ACER3: variants seen among roughly 807,000 people sequenced by gnomAD.
The protein encoded by ACER3 is alkCDase 3.
Under a neutral mutation model 48.9 loss-of-function variants are expected in ACER3, and 16 were observed. That is an observed-to-expected ratio of 0.33 (90% CI 0.22 to 0.50). The LOEUF (loss-of-function observed/expected upper bound fraction) is 0.50, where lower values mean the gene tolerates loss of function less well. ACER3 is among the 20% of genes least tolerant of loss of function. ACER3 has a pLI of 0.98. For missense variants in ACER3, 227 were observed against 326.0 expected, an observed-to-expected ratio of 0.70 and a Z score of 2.34; for synonymous variants, 109 against 107.8, an observed-to-expected ratio of 1.01 and a Z score of -0.07.
chr11:76,938,005 GTTGT>G (rs958513286), intron 2 of ACER3, among the ~76,000 whole-genome samples: 6 of 152,166 alleles, frequency 3.9e-5, no homozygotes, highest in African/African-American at 1.2e-4. Context: ...GTTTTTTGGG[GTTGT>G]TTGTTTGTCG....
intron 2 of ACER3, among the ~76,000 whole-genome samples, chr11:76,951,057 A>T (rs752041974): frequency 5.9e-5 from 9 of 152,192 alleles, no homozygotes; most frequent in African/African-American, 1.9e-4. Flanking sequence ...CTTACCATGA[A>T]ATGATCCTCT....
At chr11:76,977,496 AC>A (rs1233428635) in intron 4 of ACER3, among the ~76,000 whole-genome samples, 3 of 152,184 alleles carry the variant, frequency 2.0e-5, no homozygotes, top group Non-Finnish European at 2.9e-5. Context: ...AGCCTCCTTC[AC>A]CCATTACCCT....
At chr11:76,952,126 TTATA>T (rs60620382) in intron 2 of ACER3, among the ~76,000 whole-genome samples, 12,533 of 148,232 alleles carry the variant, frequency 0.085, 593 homozygotes, top group Non-Finnish European at 0.11. Context: ...AGAAAAAATA[TTATA>T]TATATATATA....
At chr11:76,948,883 A>G (rs1947556418) in intron 2 of ACER3, among the ~76,000 whole-genome samples, 1 of 152,206 alleles carries the variant, frequency 6.6e-6, no homozygotes, top group Non-Finnish European at 1.5e-5. Flanking sequence ...TGCCAGACAC[A>G]TGGTAGATAA....
At chr11:76,896,951 GTTTT>G (rs1945948268) in intron 1 of ACER3, among the ~76,000 whole-genome samples, 1 of 147,816 alleles carries the variant, frequency 6.8e-6, no homozygotes, top group African/African-American at 2.7e-5. Context: ...GTTGTTGTTG[GTTTT>G]TTGTTTGTCT....
At chr11:76,900,532 C>A (rs920191930) in intron 1 of ACER3, among the ~76,000 whole-genome samples, 1 of 151,986 alleles carries the variant, frequency 6.6e-6, no homozygotes, top group Non-Finnish European at 1.5e-5. Flanking sequence ...TAATAGGAAC[C>A]CTTCTGGCCA....
In ACER3 at chr11:77,021,639, TACC is replaced by T. The variant is rs1949474932; in HGVS notation, c.*1315_*1317del. Reference sequence around the variant, plus strand: ...ATTATTGTAAAATCCAGATTGTTTTTACCACATGATGACGTGACTCAGGATTAA... The same window carrying T: ...ATTATTGTAAAATCCAGATTGTTTTTACATGATGACGTGACTCAGGATTAA... On this transcript the variant is annotated 3_prime_UTR_variant, in exon 11 of 11. Coordinates refer to ENST00000532485, the MANE Select transcript of ACER3 (RefSeq NM_018367.7). 1 of 152,212 alleles carries T rather than the reference TACC, an allele frequency of 6.6e-6. No individual in the cohort carries two copies. Among genetic ancestry groups the T allele is most frequent in the Admixed American group, 6.5e-5 (1 of 15,284 alleles). The allele number at this position is 152,212 out of a possible 1,614,324, so 9.4% of individuals were successfully genotyped here.
intron 2 of ACER3, among the ~76,000 whole-genome samples, chr11:76,930,582 T>A (rs1330536939): frequency 6.6e-6 from 1 of 152,084 alleles, no homozygotes; most frequent in Non-Finnish European, 1.5e-5. Flanking sequence ...AGATCTTTCC[T>A]GCTTTCTCTT....
rs1158109970 is a variant in ACER3 at position 76,860,971 on chromosome 11, G to A, written c.-6G>A. On this transcript the variant is annotated 5_prime_UTR_variant, in exon 1 of 11. Coordinates refer to ENST00000532485, the MANE Select transcript of ACER3 (RefSeq NM_018367.7). ...GGAGCGCCTGGGCGGCGGCGGCGGC[G>A]GCGTGATGGCTCCGGCCGCGGACCG... 3.3e-6 allele frequency: 5 copies of A among 1,528,650 alleles called. No homozygotes were observed. Among genetic ancestry groups the A allele is most frequent in the Non-Finnish European group, 4.4e-6 (5 of 1,138,250 alleles). 94.7% of individuals were successfully genotyped at this position (1,528,650 alleles called of 1,614,324 possible).
At chr11:76,960,120 A>T (rs1397026163) in intron 3 of ACER3, among the ~76,000 whole-genome samples, 1 of 152,102 alleles carries the variant, frequency 6.6e-6, no homozygotes, top group South Asian at 2.1e-4. Context: ...ATAATAATAT[A>T]TTTTATTTGG....
chr11:76,953,196 G>T (rs1433196887), intron 2 of ACER3, among the ~76,000 whole-genome samples: 1 of 152,206 alleles, frequency 6.6e-6, no homozygotes, highest in East Asian at 1.9e-4. Flanking sequence ...GAAGCTCCAT[G>T]TATGCCTTGC....
At chr11:77,007,027 G>C (rs782522698) in intron 7 of ACER3, among the ~76,000 whole-genome samples, 1 of 151,266 alleles carries the variant, frequency 6.6e-6, no homozygotes, top group Non-Finnish European at 1.5e-5. Flanking sequence ...CAGGAGGATT[G>C]TTTGAACCCA....
intron 3 of ACER3, among the ~76,000 whole-genome samples, chr11:76,968,594 G>C (rs1948205052): frequency 6.6e-6 from 1 of 152,120 alleles, no homozygotes; most frequent in Admixed American, 6.6e-5. Context: ...CCAAAACAGA[G>C]ATATAGACCA....
rs1484916960 is a variant in ACER3 at position 77,022,199 on chromosome 11, G to A, written c.*1872G>A. Reference sequence around the variant, plus strand: ...TGTAGGATAAAGGCATATCGTACATGGCAATGCTGTTAAACATGGTAAGAC... The same window carrying A: ...TGTAGGATAAAGGCATATCGTACATAGCAATGCTGTTAAACATGGTAAGAC... On this transcript the variant is annotated 3_prime_UTR_variant, in exon 11 of 11. Transcript: ENST00000532485. 6.6e-6 allele frequency: 1 copy of A among 152,156 alleles called. No individual in the cohort carries two copies. The highest frequency in any genetic ancestry group is 2.4e-5 in the African/African-American group (1 of 41,434). The allele number at this position is 152,156 out of a possible 1,614,324, so 9.4% of individuals were successfully genotyped here. A position where few individuals can be genotyped will look rare whatever the true frequency, so the allele number is the denominator to read the frequency against.
chr11:76,923,032 A>T (rs911226461), intron 1 of ACER3, among the ~76,000 whole-genome samples: 6 of 151,878 alleles, frequency 4.0e-5, no homozygotes, highest in Admixed American at 2.0e-4. Flanking sequence ...AGCAATATAT[A>T]AAAAAAATTT....
At chr11:77,015,181 A>G in intron 8 of ACER3, 64 bp downstream of exon 8, 1 of 881,906 alleles carries the variant, frequency 1.1e-6, no homozygotes, top group Non-Finnish European at 1.8e-6. Flanking sequence ...AGAGAATTTT[A>G]TAAACATATA....
chr11:76,982,094 A>G (rs1948596619), intron 4 of ACER3, among the ~76,000 whole-genome samples: 1 of 151,812 alleles, frequency 6.6e-6, no homozygotes, highest in East Asian at 1.9e-4. Context: ...ATGATATACT[A>G]TCTCTGTGGT....
chr11:76,969,826 AG>A (rs1161617150), intron 3 of ACER3, among the ~76,000 whole-genome samples: 1 of 150,606 alleles, frequency 6.6e-6, no homozygotes, highest in East Asian at 2.0e-4. Context: ...GGATAGCATT[AG>A]GAGATATACC....
At chr11:76,915,580 T>C (rs1373270062) in intron 1 of ACER3, among the ~76,000 whole-genome samples, 1 of 152,184 alleles carries the variant, frequency 6.6e-6, no homozygotes, top group East Asian at 1.9e-4. Flanking sequence ...TTCTAGTGGG[T>C]GGGGGGAGAG....
Sources: gnomAD v4.1 joint callset for allele counts (sites outside exome capture counted in the v4.1 genomes callset) on GRCh38, gnomAD v4.1.1 for gene constraint, MANE v1.5 for transcripts, NCBI Gene and HGNC (gene_info 2026-07-23, HGNC 2026-07-21) for gene names.